KCNK1: variants seen among roughly 807,000 people sequenced by gnomAD.
KCNK1 encodes the protein potassium two pore domain channel subfamily K member 1, also known as potassium channel subfamily K member 1.
KCNK1 carries 10 observed loss-of-function variants against 22.2 expected under a neutral mutation model. The observed-to-expected ratio is 0.45, with a 90% CI of 0.28 to 0.76. The LOEUF is 0.76. Ranked by LOEUF, KCNK1 falls within the 30% of genes least tolerant of loss-of-function variation. KCNK1 has a pLI of 0.14. For missense variants in KCNK1, 378 were observed against 421.0 expected (o/e 0.90, Z 0.89); for synonymous variants, 200 against 186.4 (o/e 1.07, Z -0.60).
At chr1:233,636,869 C>G (rs2102892145) in intron 1 of KCNK1, among the ~76,000 whole-genome samples, 1 of 152,096 alleles carries the variant, frequency 6.6e-6, no homozygotes, top group Non-Finnish European at 1.5e-5. Context: ...CAGTAGGTGG[C>G]AGGGAAGTGG....
intron 1 of KCNK1, among the ~76,000 whole-genome samples, chr1:233,616,885 G>C (rs948514747): frequency 6.6e-6 from 1 of 152,192 alleles, no homozygotes; most frequent in Non-Finnish European, 1.5e-5. Context: ...TTGTGTGCTG[G>C]AAACAAACAA....
chr1:233,662,932 G>T (rs920430787), intron 1 of KCNK1, among the ~76,000 whole-genome samples: 15 of 152,198 alleles, frequency 9.9e-5, no homozygotes, highest in Admixed American at 8.5e-4. Context: ...TAAATTCTTC[G>T]TGGTTTGTAA....
At chr1:233,642,281 CA>C (rs945366180) in intron 1 of KCNK1, among the ~76,000 whole-genome samples, 6 of 152,196 alleles carry the variant, frequency 3.9e-5, no homozygotes, top group Non-Finnish European at 8.8e-5. Context: ...AAGATTCCCC[CA>C]AACCAACTTC....
rs1198513481 is a variant in KCNK1, at chr1:233,614,347, T to G, written c.176T>G (p.Leu59Arg). 1.2e-6 allele frequency: 2 copies of G among 1,611,646 alleles called. No individual in the cohort carries two copies. Among genetic ancestry groups the G allele is most frequent in the Non-Finnish European group, 1.7e-6 (2 of 1,179,030 alleles). ...EDLLRQELRK[L>R]KRRFLEEHEC... is the part of the protein sequence containing the mutation. Reference sequence around the variant, plus strand: ...CTGCTGCGCCAGGAGCTGCGCAAGCTGAAGCGACGCTTCTTGGAGGAGCAC... The same window carrying G: ...CTGCTGCGCCAGGAGCTGCGCAAGCGGAAGCGACGCTTCTTGGAGGAGCAC... Residue 59 changes from leucine (L) to arginine (R), a missense_variant, in exon 1 of 3, where the codon CTG (leucine) becomes CGG (arginine). Leu to Arg is a moderately radical substitution (Grantham distance 102, BLOSUM62 -2). Transcript: ENST00000366621.
chr1:233,632,057 C>T (rs962624305), intron 1 of KCNK1, among the ~76,000 whole-genome samples: 2 of 152,186 alleles, frequency 1.3e-5, no homozygotes, highest in Non-Finnish European at 2.9e-5. Flanking sequence ...CCCTCTTCCA[C>T]GTGCGTGCTG....
chr1:233,619,048 C>T (rs566537096), intron 1 of KCNK1, among the ~76,000 whole-genome samples: 31 of 152,202 alleles, frequency 2.0e-4, no homozygotes, highest in African/African-American at 5.8e-4. Context: ...GATAGGGTCT[C>T]GCTCTCTCAC....
chr1:233,668,027 A>G (rs929579657), intron 2 of KCNK1, among the ~76,000 whole-genome samples: 18 of 152,136 alleles, frequency 1.2e-4, no homozygotes, highest in Non-Finnish European at 2.4e-4. Flanking sequence ...GGGATTTATA[A>G]TTTTTTAACA....
intron 1 of KCNK1, among the ~76,000 whole-genome samples, chr1:233,640,535 T>C (rs1271958829): frequency 6.6e-6 from 1 of 152,240 alleles, no homozygotes; most frequent in East Asian, 1.9e-4. Flanking sequence ...ACTTCAAAAG[T>C]CATTTTCATG....
chr1:233,666,815 G>A lies in KCNK1; in HGVS notation c.576G>A (p.Val192=), dbSNP rs1571906039. 3.1e-6 allele frequency: 5 copies of A among 1,614,186 alleles called. No homozygotes were observed. Among genetic ancestry groups the A allele is most frequent in the Non-Finnish European group, 4.2e-6 (5 of 1,180,048 alleles). The change falls in exon 2 of 3, where the codon GTG becomes GTA. Residue 192 remains valine (V), a synonymous_variant. Coordinates refer to ENST00000366621, the MANE Select transcript of KCNK1 (RefSeq NM_002245.4). The part of the protein sequence containing the change: ...VHAVLLGFVT[V]SCFFFIPAAV... ...CCGTGCTCCTTGGGTTTGTCACTGT[G>A]TCCTGCTTCTTCTTCATCCCGGCCG...
chr1:233,649,409 C>G, intron 1 of KCNK1, among the ~76,000 whole-genome samples: 1 of 152,164 alleles, frequency 6.6e-6, no homozygotes, highest in East Asian at 1.9e-4. Context: ...TTTTCCTCTA[C>G]TCTTGCATGA....
At chr1:233,639,439 T>A (rs1471730410) in intron 1 of KCNK1, among the ~76,000 whole-genome samples, 1 of 152,222 alleles carries the variant, frequency 6.6e-6, no homozygotes, top group Non-Finnish European at 1.5e-5. Context: ...TTTGATTAGA[T>A]ATGAGAAGGG....
At chr1:233,616,761 G>T (rs1657493791) in intron 1 of KCNK1, among the ~76,000 whole-genome samples, 2 of 152,146 alleles carry the variant, frequency 1.3e-5, no homozygotes, top group African/African-American at 4.8e-5. Flanking sequence ...CCCATTATTT[G>T]ATTCATTTGA....
At chr1:233,654,588 G>A (rs1365915926) in intron 1 of KCNK1, among the ~76,000 whole-genome samples, 1 of 152,168 alleles carries the variant, frequency 6.6e-6, no homozygotes, top group African/African-American at 2.4e-5. Context: ...AGCACTTAAA[G>A]ATTTGGAAAA....
At chr1:233,661,109 A>G (rs554525225) in intron 1 of KCNK1, among the ~76,000 whole-genome samples, 1 of 152,118 alleles carries the variant, frequency 6.6e-6, no homozygotes, top group African/African-American at 2.4e-5. Context: ...GGCTGTTTTT[A>G]TTGAGTGTTT....
chr1:233,629,241 T>C (rs1240057576), intron 1 of KCNK1, among the ~76,000 whole-genome samples: 1 of 151,964 alleles, frequency 6.6e-6, no homozygotes, highest in Non-Finnish European at 1.5e-5. Context: ...CCCATGGTAA[T>C]TGGGTAATTG....
chr1:233,663,992 C>T (rs996448558), intron 1 of KCNK1, among the ~76,000 whole-genome samples: 14 of 152,090 alleles, frequency 9.2e-5, no homozygotes, highest in Middle Eastern at 3.4e-3. Context: ...CTACCATGCC[C>T]GGCTAATTTT....
intron 1 of KCNK1, among the ~76,000 whole-genome samples, chr1:233,627,827 A>G (rs184031172): frequency 6.6e-4 from 101 of 152,370 alleles, no homozygotes; most frequent in Admixed American, 1.7e-3. Flanking sequence ...AGCACAAAAA[A>G]GCAAATTTCT....
intron 1 of KCNK1, among the ~76,000 whole-genome samples, chr1:233,615,850 A>G (rs574730736): frequency 6.6e-6 from 1 of 152,296 alleles, no homozygotes; most frequent in East Asian, 1.9e-4. Context: ...ATCACATGAA[A>G]CAATTATTCA....
chr1:233,628,782 A>AATAATAATAATAAT (rs1455727352), intron 1 of KCNK1, among the ~76,000 whole-genome samples: 1 of 151,852 alleles, frequency 6.6e-6, no homozygotes, highest in African/African-American at 2.4e-5. Flanking sequence ...TAATAATAAT[A>AATAATAATAATAAT]AATTTTAAAA....
Sources: allele counts gnomAD v4.1 joint callset (sites outside exome capture counted in the v4.1 genomes callset), GRCh38; gene constraint gnomAD v4.1.1; transcripts MANE v1.5; gene names NCBI Gene and HGNC (gene_info 2026-07-23, HGNC 2026-07-21).